SLC25A20: variants seen among roughly 807,000 people sequenced by gnomAD.
SLC25A20 encodes solute carrier family 25 member 20, also known as mitochondrial carnitine/acylcarnitine carrier protein.
SLC25A20 carries 29 observed loss-of-function variants against 39.7 expected under a neutral mutation model. The ratio of observed to expected loss-of-function variants is 0.73; its 90% CI spans 0.54 to 1.00. SLC25A20 has a LOEUF of 1.00. Among genes scored for constraint, SLC25A20 ranks in the 50% least tolerant of loss-of-function variants. The pLI, the probability that SLC25A20 is intolerant of heterozygous loss-of-function variation, is 0.00. For missense variants in SLC25A20, 333 were observed against 379.9 expected (o/e 0.88, Z 1.03); for synonymous variants, 103 against 142.2 (o/e 0.72, Z 1.96).
At chr3:48,868,427 G>A (rs2083688582) in intron 4 of SLC25A20, among the ~76,000 whole-genome samples, 2 of 152,082 alleles carry the variant, frequency 1.3e-5, no homozygotes, top group Admixed American at 6.6e-5. Flanking sequence ...CTGGGAAGAT[G>A]GAGTAGATGT....
At chr3:48,891,630 C>T (rs2083878195) in intron 2 of SLC25A20, among the ~76,000 whole-genome samples, 1 of 152,120 alleles carries the variant, frequency 6.6e-6, no homozygotes, top group Non-Finnish European at 1.5e-5. Context: ...GCCTTGGCCC[C>T]CAAAGCGCTA....
intron 8 of SLC25A20, 108 bp downstream of exon 8, chr3:48,858,399 T>G (rs2106637495): frequency 6.6e-7 from 1 of 1,516,284 alleles, no homozygotes; most frequent in East Asian, 2.3e-5. Context: ...AAGATAGGGC[T>G]TTGGGAAAAC....
intron 5 of SLC25A20, 113 bp downstream of exon 5, chr3:48,862,429 A>G (rs530901972): frequency 3.0e-4 from 231 of 767,956 alleles, no homozygotes; most frequent in Non-Finnish European, 4.7e-4. Context: ...ATTGTCAGAG[A>G]TGTGACATGC....
At chr3:48,898,603 G>T in intron 1 of SLC25A20, 87 bp downstream of exon 1, 1 of 1,234,572 alleles carries the variant, frequency 8.1e-7, no homozygotes, top group Non-Finnish European at 1.2e-6. Context: ...CCCCTCTTCT[G>T]CCCAGCGTCC....
At chr3:48,863,472 C>CCG in intron 4 of SLC25A20, among the ~76,000 whole-genome samples, 1 of 152,216 alleles carries the variant, frequency 6.6e-6, no homozygotes, top group South Asian at 2.1e-4. Flanking sequence ...GGCTCCTACC[C>CCG]CGCCCCTGAG....
intron 3 of SLC25A20, among the ~76,000 whole-genome samples, chr3:48,881,336 C>T (rs2083793999): frequency 1.3e-5 from 2 of 152,188 alleles, no homozygotes; most frequent in Admixed American, 6.5e-5. Flanking sequence ...CAACATGTTC[C>T]ATTTTCCCCA....
At chr3:48,884,498 C>T (rs779806497) in intron 2 of SLC25A20, among the ~76,000 whole-genome samples, 10 of 151,734 alleles carry the variant, frequency 6.6e-5, no homozygotes, top group African/African-American at 7.3e-5. Context: ...TACAGGCGTG[C>T]GCCACCATGC....
intron 1 of SLC25A20, among the ~76,000 whole-genome samples, chr3:48,897,393 C>T (rs1192343550): frequency 2.6e-5 from 3 of 115,216 alleles, no homozygotes; most frequent in African/African-American, 3.3e-5. Flanking sequence ...TTTTTAAGGG[C>T]GGCCCCAGAG....
intron 4 of SLC25A20, among the ~76,000 whole-genome samples, chr3:48,869,112 C>T (rs1170738321): frequency 6.6e-6 from 1 of 152,124 alleles, no homozygotes; most frequent in Non-Finnish European, 1.5e-5. Context: ...TGTAATGAGG[C>T]TGCATCCTTC....
intron 4 of SLC25A20, among the ~76,000 whole-genome samples, chr3:48,872,116 A>G (rs1353470144): frequency 7.0e-6 from 1 of 142,578 alleles, no homozygotes; most frequent in African/African-American, 2.6e-5. Context: ...GGTGTGAGCC[A>G]CTCTGCCTGG....
intron 5 of SLC25A20, 125 bp from the exon 6 acceptor site, chr3:48,859,752 C>T (rs372022845): frequency 9.3e-6 from 7 of 756,068 alleles, no homozygotes; most frequent in Admixed American, 8.2e-5. Flanking sequence ...CCAGGAGGTC[C>T]GCGCTTGGCC....
intron 3 of SLC25A20, among the ~76,000 whole-genome samples, chr3:48,882,134 C>G (rs1483045970): frequency 2.0e-5 from 3 of 152,180 alleles, no homozygotes; most frequent in Non-Finnish European, 4.4e-5. Context: ...CTGCACAGCT[C>G]AGATTGTGGA....
At chr3:48,876,297 G>A (rs1360793192) in intron 4 of SLC25A20, among the ~76,000 whole-genome samples, 4 of 146,086 alleles carry the variant, frequency 2.7e-5, no homozygotes, top group African/African-American at 7.6e-5. Flanking sequence ...AGCTGAGATC[G>A]TGCCACTGAT....
chr3:48,891,015 C>G (rs2083870031), intron 2 of SLC25A20, among the ~76,000 whole-genome samples: 1 of 152,096 alleles, frequency 6.6e-6, no homozygotes, highest in Admixed American at 6.6e-5. Flanking sequence ...CACTACCAGT[C>G]TCCATGTCTT....
Position 48,891,274 on chromosome 3 carries a change from G to C in SLC25A20, c.198+706C>G, listed in dbSNP as rs566992732. ...ATTTTTAGTAGAGACGGGGTTTCAT[G>C]ATGTTGGCCAGGGTGGTCTTGAACT... On this transcript the variant is annotated intron_variant, in intron 2 of 8. Coordinates refer to ENST00000319017, the MANE Select transcript of SLC25A20 (RefSeq NM_000387.6). 2.8e-3 allele frequency among the ~76,000 whole-genome samples: 432 copies of C among 152,084 alleles called. 4 individuals carry two copies. Among genetic ancestry groups the C allele is most frequent in the African/African-American group, 9.9e-3 (410 of 41,502 alleles).
chr3:48,858,546 C>T lies in SLC25A20; in HGVS notation c.804G>A (p.Gly268=), dbSNP rs2083598138. 6.2e-7 allele frequency: 1 copy of T among 1,614,074 alleles called. No homozygotes were observed. The highest frequency in any genetic ancestry group is 8.5e-7 in the Non-Finnish European group (1 of 1,180,046). ...RDEGVTSLYK[G]FNAVMIRAFP... is the part of the protein sequence containing the mutation. ...AGGCTCGGATCATCACTGCATTGAACCCTTTGTACAAGGATGTGACTCCTT... is the reference window on the plus strand; with the variant it reads ...AGGCTCGGATCATCACTGCATTGAATCCTTTGTACAAGGATGTGACTCCTT... Residue 268 remains glycine, a synonymous_variant, in exon 8 of 9, where the codon GGG becomes GGA. Coordinates refer to ENST00000319017, the MANE Select transcript of SLC25A20 (RefSeq NM_000387.6).
intron 1 of SLC25A20, among the ~76,000 whole-genome samples, chr3:48,896,313 A>G (rs1300560379): frequency 2.0e-5 from 3 of 151,024 alleles, no homozygotes; most frequent in African/African-American, 4.9e-5. Context: ...GGGATTACAG[A>G]TGTGCACCAC....
At chr3:48,879,876 A>C (rs758373910) in intron 3 of SLC25A20, among the ~76,000 whole-genome samples, 11 of 152,052 alleles carry the variant, frequency 7.2e-5, no homozygotes, top group Non-Finnish European at 1.0e-4. Flanking sequence ...CAGGATCTGG[A>C]CTTTAATCTC....
intron 4 of SLC25A20, among the ~76,000 whole-genome samples, chr3:48,867,605 T>C (rs2106641489): frequency 6.6e-6 from 1 of 151,280 alleles, no homozygotes; most frequent in South Asian, 2.1e-4. Context: ...ATGCCTTTAT[T>C]CCTGATGAGA....
Sources: gnomAD v4.1 joint callset for allele counts (sites outside exome capture counted in the v4.1 genomes callset) on GRCh38, gnomAD v4.1.1 for gene constraint, MANE v1.5 for transcripts, NCBI Gene and HGNC (gene_info 2026-07-23, HGNC 2026-07-21) for gene names.